LRP1B: variants seen among roughly 807,000 people sequenced by gnomAD.
LRP1B encodes the protein LDL receptor related protein 1B, also known as low-density lipoprotein receptor-related protein 1B.
A neutral mutation model predicts 556.6 loss-of-function variants in LRP1B; 217 were observed. The ratio of observed to expected loss-of-function variants is 0.39; its 90% CI spans 0.35 to 0.44. The LOEUF is 0.44. LRP1B is among the 20% of genes least tolerant of loss of function. The probability of loss-of-function intolerance (pLI) is 1.00; values close to 1 mark genes in which losing one functional copy is unlikely to be tolerated. For missense variants in LRP1B, 5,053 were observed against 5,620.8 expected, an observed-to-expected ratio of 0.90 and a Z score of 3.23; for synonymous variants, 2,047 against 1,865.8, an observed-to-expected ratio of 1.10 and a Z score of -2.50.
At chr2:140,716,131 T>C (rs1687201257) in intron 36 of LRP1B, 29 bp from the exon 37 acceptor site, 3 of 1,497,904 alleles carry the variant, frequency 2.0e-6, no homozygotes, top group Admixed American at 2.0e-5. Flanking sequence ...GTGTTTATAA[T>C]ACAGTTTTGA....
intron 7 of LRP1B, among the ~76,000 whole-genome samples, chr2:141,106,983 GT>G (rs564427634): frequency 6.3e-4 from 93 of 147,988 alleles, no homozygotes; most frequent in South Asian, 1.1e-3. Flanking sequence ...TAAACTAATT[GT>G]TTTTTTTTTC....
chr2:141,054,390 G>A (rs1387850424), intron 10 of LRP1B, among the ~76,000 whole-genome samples: 2 of 151,758 alleles, frequency 1.3e-5, no homozygotes, highest in African/African-American at 2.4e-5. Flanking sequence ...TTTCAATCAG[G>A]GCCGTTCTAC....
At chr2:141,020,163 C>A (rs2105397521) in intron 11 of LRP1B, 61 bp from the exon 12 acceptor site, 7 of 1,069,136 alleles carry the variant, frequency 6.5e-6, no homozygotes, top group Non-Finnish European at 9.0e-6. Context: ...AATTAGTGTT[C>A]ACTACTAATA....
In LRP1B at chr2:141,264,385, G is replaced by T. The variant is rs1684810225; in HGVS notation, c.344-9744C>A. ...TTTTCTATAATTTAGCTGTAATAAG[G>T]TGGAAGCTGTGGACCAACCATGTGG... On this transcript the variant is annotated intron_variant, in intron 3 of 90. Transcript: ENST00000389484. 2.6e-5 allele frequency among the ~76,000 whole-genome samples: 4 copies of T among 152,238 alleles called. No homozygotes were observed. The South Asian group carries it at 8.3e-4, about 32-fold the overall frequency.
chr2:140,472,574 G>C (rs1202811553), intron 60 of LRP1B, among the ~76,000 whole-genome samples: 4 of 151,978 alleles, frequency 2.6e-5, no homozygotes, highest in Non-Finnish European at 5.9e-5. Context: ...GGGGAGCAAA[G>C]AAAGAGGAAT....
At chr2:140,773,794 T>A (rs1573699210) in intron 33 of LRP1B, among the ~76,000 whole-genome samples, 2 of 151,940 alleles carry the variant, frequency 1.3e-5, no homozygotes, top group East Asian at 1.9e-4. Flanking sequence ...AATGAATTCT[T>A]AGTTACAATA....
intron 1 of LRP1B, among the ~76,000 whole-genome samples, chr2:141,827,851 C>T (rs564962598): frequency 1.3e-5 from 2 of 152,060 alleles, no homozygotes; most frequent in South Asian, 4.2e-4. Flanking sequence ...ACTTTATCTA[C>T]ATATCTATAT....
At chr2:141,055,299 C>G (rs1238493151) in intron 9 of LRP1B, 40 bp from the exon 10 acceptor site, 1 of 1,587,870 alleles carries the variant, frequency 6.3e-7, no homozygotes, top group East Asian at 2.3e-5. Context: ...AATTCAAGTT[C>G]AAAGATAAGA....
intron 2 of LRP1B, among the ~76,000 whole-genome samples, chr2:141,637,251 A>T (rs141868376): frequency 1.5e-4 from 23 of 152,286 alleles, no homozygotes; most frequent in African/African-American, 5.3e-4. Context: ...CATTTTTGAG[A>T]ATGAAGTTAA....
chr2:140,416,814 A>C (rs1318805932), intron 66 of LRP1B, among the ~76,000 whole-genome samples: 1 of 152,174 alleles, frequency 6.6e-6, no homozygotes, highest in Non-Finnish European at 1.5e-5. Flanking sequence ...TGGTTCACCC[A>C]TTATTTTATT....
At chr2:142,047,965 A>G (rs905755026) in intron 1 of LRP1B, among the ~76,000 whole-genome samples, 4 of 151,962 alleles carry the variant, frequency 2.6e-5, no homozygotes, top group Admixed American at 1.3e-4. Context: ...TAGTTTTTCT[A>G]CTCTGAATAA....
At chr2:140,255,074 G>T (rs569769734) in intron 86 of LRP1B, among the ~76,000 whole-genome samples, 2 of 152,264 alleles carry the variant, frequency 1.3e-5, no homozygotes, top group Admixed American at 1.3e-4. Flanking sequence ...AGAAAGATTT[G>T]TTTAAATCAA....
intron 80 of LRP1B, among the ~76,000 whole-genome samples, chr2:140,324,517 G>A (rs184191969): frequency 6.6e-6 from 1 of 152,114 alleles, no homozygotes; most frequent in Non-Finnish European, 1.5e-5. Flanking sequence ...GATTTTTAAT[G>A]AGTAAATCCA....
intron 77 of LRP1B, among the ~76,000 whole-genome samples, chr2:140,348,002 T>G (rs750486078): frequency 6.6e-6 from 1 of 152,050 alleles, no homozygotes; most frequent in Non-Finnish European, 1.5e-5. Flanking sequence ...TATTAATACA[T>G]AAGACAGATT....
chr2:141,164,232 G>A (rs774417623), intron 7 of LRP1B, among the ~76,000 whole-genome samples: 5 of 151,882 alleles, frequency 3.3e-5, no homozygotes, highest in African/African-American at 9.7e-5. Flanking sequence ...AGAACTAAGC[G>A]TTCTGTGGAA....
At chr2:142,051,059 G>A (rs773738831) in intron 1 of LRP1B, among the ~76,000 whole-genome samples, 26 of 152,136 alleles carry the variant, frequency 1.7e-4, no homozygotes, top group Non-Finnish European at 2.2e-4. Flanking sequence ...GAGAGAAGAC[G>A]TTAAGTTCAG....
At chr2:141,726,743 C>T (rs1693052722) in intron 2 of LRP1B, among the ~76,000 whole-genome samples, 1 of 152,028 alleles carries the variant, frequency 6.6e-6, no homozygotes, top group South Asian at 2.1e-4. Context: ...AGTGGAATAA[C>T]AGTATTATCA....
chr2:140,832,896 T>G (rs1201051489), intron 31 of LRP1B, among the ~76,000 whole-genome samples: 2 of 149,640 alleles, frequency 1.3e-5, no homozygotes, highest in Non-Finnish European at 1.5e-5. Flanking sequence ...ATGTTCCCAA[T>G]GTAAAGAAAA....
At chr2:141,033,833 T>C (rs1698451301) in intron 11 of LRP1B, among the ~76,000 whole-genome samples, 1 of 152,174 alleles carries the variant, frequency 6.6e-6, no homozygotes, top group Non-Finnish European at 1.5e-5. Context: ...ATAAATGTTT[T>C]CATTTAACCC....
Sources: gnomAD v4.1 joint callset for allele counts (sites outside exome capture counted in the v4.1 genomes callset) on GRCh38, gnomAD v4.1.1 for gene constraint, MANE v1.5 for transcripts, NCBI Gene and HGNC (gene_info 2026-07-23, HGNC 2026-07-21) for gene names.